AFF2: variants seen among roughly 807,000 people sequenced by gnomAD.
AFF2 encodes the protein ALF transcription elongation factor 2, also known as AF4/FMR2 family member 2.
AFF2 carries 14 observed loss-of-function variants against 76.9 expected under a neutral mutation model. That is an observed-to-expected ratio of 0.18 (90% CI 0.12 to 0.28). AFF2 has a LOEUF of 0.28. Among genes scored for constraint, AFF2 ranks in the 10% least tolerant of loss-of-function variants. The probability of loss-of-function intolerance (pLI) is 1.00; values close to 1 mark genes in which losing one functional copy is unlikely to be tolerated. For missense variants in AFF2, 868 were observed against 1,001.1 expected, an observed-to-expected ratio of 0.87 and a Z score of 1.79; for synonymous variants, 398 against 366.7, an observed-to-expected ratio of 1.09 and a Z score of -0.98.
chrX:148,866,762 T>G (rs1395988982), intron 7 of AFF2, among the ~76,000 whole-genome samples: 3 of 112,622 alleles, frequency 2.7e-5, no homozygotes, highest in African/African-American at 9.7e-5. Flanking sequence ...CAAAAGTAGT[T>G]ATTTTGCATT....
At chrX:148,935,160 A>T (rs2071758698) in intron 9 of AFF2, among the ~76,000 whole-genome samples, 1 of 108,856 alleles carries the variant, frequency 9.2e-6, no homozygotes, top group Admixed American at 1.0e-4. Flanking sequence ...TCATTATTTT[A>T]CATATATATA....
chrX:148,722,084 G>A (rs1473301573), intron 3 of AFF2, among the ~76,000 whole-genome samples: 4 of 111,504 alleles, frequency 3.6e-5, no homozygotes, highest in East Asian at 2.8e-4. Flanking sequence ...GGGTGGGAAC[G>A]CAGTTCAACT....
chrX:148,684,030 T>C (rs2054575714), intron 3 of AFF2, among the ~76,000 whole-genome samples: 1 of 111,872 alleles, frequency 8.9e-6, no homozygotes, highest in Non-Finnish European at 1.9e-5. Context: ...GAAGTTACCC[T>C]GTGAGACACC....
intron 1 of AFF2, among the ~76,000 whole-genome samples, chrX:148,585,840 C>CAAA (rs1194523651): frequency 7.8e-5 from 2 of 25,534 alleles, no homozygotes; most frequent in Non-Finnish European, 1.4e-4. Context: ...GACTGCGTCT[C>CAAA]AAAAAAAAAA....
chrX:148,862,751 C>T (rs1307925706), intron 7 of AFF2, among the ~76,000 whole-genome samples: 1 of 112,368 alleles, frequency 8.9e-6, no homozygotes, highest in Non-Finnish European at 1.9e-5. Context: ...CACAGTACTT[C>T]ATTTAATTAT....
At chrX:148,850,374 G>A (rs994724681) in intron 7 of AFF2, among the ~76,000 whole-genome samples, 40 of 111,869 alleles carry the variant, frequency 3.6e-4, no homozygotes, top group African/African-American at 6.2e-4. Flanking sequence ...CAACCACAGC[G>A]GCATATTTCC....
At chrX:148,701,011 A>AGTGTGTGT (rs10675199) in intron 3 of AFF2, among the ~76,000 whole-genome samples, 29 of 61,125 alleles carry the variant, frequency 4.7e-4, no homozygotes, top group South Asian at 1.2e-3. Flanking sequence ...AGAGAGAGAG[A>AGTGTGTGT]ATGTGTGTGT....
chrX:148,920,166 A>G (rs1161412499), intron 9 of AFF2, among the ~76,000 whole-genome samples: 1 of 111,693 alleles, frequency 9.0e-6, no homozygotes, highest in Non-Finnish European at 1.9e-5. Flanking sequence ...TAGTTTTTCT[A>G]TAGATTATAG....
intron 7 of AFF2, among the ~76,000 whole-genome samples, chrX:148,880,611 A>G (rs1054675965): frequency 1.6e-4 from 18 of 111,808 alleles, no homozygotes; most frequent in African/African-American, 5.5e-4. Context: ...TCTGATTGCC[A>G]TGAACTCTGG....
At chrX:148,630,254 C>T (rs1430699667) in intron 1 of AFF2, among the ~76,000 whole-genome samples, 1 of 111,553 alleles carries the variant, frequency 9.0e-6, no homozygotes, top group Non-Finnish European at 1.9e-5. Flanking sequence ...AGCCATTTCC[C>T]AGGGGGCATT....
intron 3 of AFF2, among the ~76,000 whole-genome samples, chrX:148,745,317 G>A (rs1278823575): frequency 9.0e-6 from 1 of 111,712 alleles, no homozygotes; most frequent in African/African-American, 3.3e-5. Flanking sequence ...GTAAATGGAT[G>A]ACCAGACATG....
rs183705803 is a variant in AFF2, at chrX:148,959,137, G to A, written c.2690+679G>A. 6.3e-5 allele frequency among the ~76,000 whole-genome samples: 7 copies of A among 111,338 alleles called. No individual in the cohort carries two copies. The East Asian group carries it at 2.0e-3, about 32-fold the overall frequency. ...CACCTGTTCTTCCTTCTCTCTGTGT[G>A]TGGAAGGTTCCAGAGTCCAGCAGGA... is the stretch of plus-strand genomic sequence containing the variant. On this transcript the variant is annotated intron_variant, in intron 12 of 20. Coordinates refer to ENST00000370460, the MANE Select transcript of AFF2 (RefSeq NM_002025.4).
At chrX:148,686,685 G>T (rs1176453541) in intron 3 of AFF2, among the ~76,000 whole-genome samples, 1 of 111,229 alleles carries the variant, frequency 9.0e-6, no homozygotes, top group Non-Finnish European at 1.9e-5. Context: ...CCTCCAGAAG[G>T]TTTTGATTTC....
At chrX:148,706,219 C>A (rs782157342) in intron 3 of AFF2, among the ~76,000 whole-genome samples, 6 of 112,091 alleles carry the variant, frequency 5.4e-5, no homozygotes, top group Non-Finnish European at 1.1e-4. Flanking sequence ...GAGGTGAGTG[C>A]TTCTGGTAGC....
Position 148,728,324 on chromosome X carries a change from A to G in AFF2, c.1041+65556A>G, listed in dbSNP as rs546853559. Among the ~76,000 whole-genome samples, 4 of 112,431 alleles carry G rather than the reference A, an allele frequency of 3.6e-5. No homozygotes were observed. The South Asian group carries it at 1.5e-3, about 41-fold the overall frequency. ...ATAAAACTGGTGCAATCCATAGGCCATAGGCCCCAAGTGGACAGTTTTCTG... is the reference window on the plus strand; with the variant it reads ...ATAAAACTGGTGCAATCCATAGGCCGTAGGCCCCAAGTGGACAGTTTTCTG... On this transcript the variant is annotated intron_variant, in intron 3 of 20. Transcript: ENST00000370460.
intron 1 of AFF2, among the ~76,000 whole-genome samples, chrX:148,541,026 G>A (rs189796021): frequency 2.0e-4 from 23 of 112,354 alleles, no homozygotes; most frequent in Admixed American, 4.7e-4. Context: ...AAACAACTCA[G>A]TCATTCAAAC....
intron 3 of AFF2, among the ~76,000 whole-genome samples, chrX:148,797,335 T>G (rs2069998337): frequency 9.0e-6 from 1 of 111,479 alleles, no homozygotes. Flanking sequence ...ACTGAACCAA[T>G]AGAGTTTCTT....
chrX:148,907,330 C>G (rs1288970462), intron 9 of AFF2, among the ~76,000 whole-genome samples: 2 of 112,138 alleles, frequency 1.8e-5, no homozygotes, highest in Non-Finnish European at 3.8e-5. Flanking sequence ...GCTGGTGGCT[C>G]TCTTCTAGTA....
intron 3 of AFF2, among the ~76,000 whole-genome samples, chrX:148,803,960 T>C (rs2070093997): frequency 9.0e-6 from 1 of 111,290 alleles, no homozygotes; most frequent in Non-Finnish European, 1.9e-5. Flanking sequence ...CTTTACACAC[T>C]GGGACCCTGA....
Sources: allele counts gnomAD v4.1 joint callset (sites outside exome capture counted in the v4.1 genomes callset), GRCh38; gene constraint gnomAD v4.1.1; transcripts MANE v1.5; gene names NCBI Gene and HGNC (gene_info 2026-07-23, HGNC 2026-07-21).